Variants in RSPH14 observed in about 807,000 individuals in gnomAD.
The protein encoded by RSPH14 is radial spoke head 14 homolog.
Under a neutral mutation model 26.7 loss-of-function variants are expected in RSPH14, and 20 were observed. The ratio of observed to expected loss-of-function variants is 0.75; its 90% CI spans 0.53 to 1.09. The LOEUF (loss-of-function observed/expected upper bound fraction) is 1.09. RSPH14 is among the 50% of genes least tolerant of loss of function. The probability of loss-of-function intolerance (pLI) is 0.00; values close to 1 mark genes in which losing one functional copy is unlikely to be tolerated. For synonymous variants in RSPH14, 177 were observed against 189.3 expected, an observed-to-expected ratio of 0.93 and a Z score of 0.53; for missense variants, 449 against 457.2, an observed-to-expected ratio of 0.98 and a Z score of 0.16.
chr22:23,148,255 A>G (rs1399237549), upstream of RSPH14, among the ~76,000 whole-genome samples: 1 of 152,178 alleles, frequency 6.6e-6, no homozygotes, highest in Non-Finnish European at 1.5e-5. Flanking sequence ...TGGGTTTTCC[A>G]TCTCAACAGA....
At chr22:23,152,006 C>T in the RSPH14 span, among the ~76,000 whole-genome samples, 582 of 152,318 alleles carry the variant, frequency 3.8e-3, 5 homozygotes, top group African/African-American at 0.013. Context: ...GCGCACAGCC[C>T]CGGGGGTGCA....
At chr22:23,164,484 C>G in the RSPH14 span, 1 of 152,224 alleles carries the variant, frequency 6.6e-6, no homozygotes, top group Non-Finnish European at 1.5e-5. Context: ...CCCCCCACCC[C>G]AAGTTGATGC....
In RSPH14 at chr22:23,136,115, G is replaced by A. The variant is rs183557392; in HGVS notation, c.303-1971C>T. On this transcript the variant is annotated intron_variant, in intron 3 of 6. Transcript: ENST00000216036. Reference sequence around the variant, plus strand: ...CTGACCACGGGGGCTTCCTTGGTCCGTGTCTAGTCACCCACTCCATGTCTC... The same window carrying A: ...CTGACCACGGGGGCTTCCTTGGTCCATGTCTAGTCACCCACTCCATGTCTC... 250 of 600,940 alleles carry A rather than the reference G, an allele frequency of 4.2e-4. 1 individual carries two copies. In the African/African-American group the frequency reaches 4.2e-3, roughly 10 times the overall value. 37.2% of individuals were successfully genotyped at this position (600,940 alleles called of 1,614,324 possible).
At chr22:23,103,539 A>G (rs2069366242) in intron 4 of RSPH14, among the ~76,000 whole-genome samples, 2 of 152,064 alleles carry the variant, frequency 1.3e-5, no homozygotes, top group African/African-American at 4.8e-5. Context: ...ACCCCGCTGG[A>G]GAAAGGGAAT....
At chr22:23,167,714 T>C in the RSPH14 span, among the ~76,000 whole-genome samples, 1 of 149,346 alleles carries the variant, frequency 6.7e-6, no homozygotes, top group Admixed American at 6.6e-5. Context: ...TTAATTTATT[T>C]TTTTTTTTAA....
chr22:23,066,408 C>A (rs997006714), intron 4 of RSPH14, among the ~76,000 whole-genome samples: 1 of 152,166 alleles, frequency 6.6e-6, no homozygotes, highest in African/African-American at 2.4e-5. Flanking sequence ...AACTTGAATA[C>A]CTAAGGTCAC....
At chr22:23,140,104 G>A (rs1477417528) in intron 2 of RSPH14, 118 bp downstream of exon 2, 7 of 1,305,982 alleles carry the variant, frequency 5.4e-6, no homozygotes, top group East Asian at 2.5e-5. Context: ...CGCACCTATA[G>A]TGGAACTGGC....
intron 4 of RSPH14, among the ~76,000 whole-genome samples, chr22:23,093,468 G>C (rs6003503): frequency 0.05 from 7,605 of 152,274 alleles, 629 homozygotes; most frequent in African/African-American, 0.17. Context: ...CTGGCTGGGG[G>C]TAGGGGCGAC....
chr22:23,110,150 G>A (rs540362427), intron 4 of RSPH14, among the ~76,000 whole-genome samples: 108 of 152,320 alleles, frequency 7.1e-4, no homozygotes, highest in African/African-American at 2.4e-3. Context: ...GGGGTGGTTC[G>A]GGCTGTCTGG....
intron 4 of RSPH14, among the ~76,000 whole-genome samples, chr22:23,104,999 C>T (rs533350907): frequency 3.3e-5 from 5 of 152,354 alleles, no homozygotes; most frequent in Admixed American, 6.5e-5. Flanking sequence ...TTAGGCCAGC[C>T]CAGGAGCCTG....
At chr22:23,061,759 C>T (rs2068098721) in intron 6 of RSPH14, 50 bp downstream of exon 6, 1 of 1,608,398 alleles carries the variant, frequency 6.2e-7, no homozygotes, top group African/African-American at 1.3e-5. Flanking sequence ...CTCATCACGG[C>T]TGCTAGCCTG....
intron 4 of RSPH14, among the ~76,000 whole-genome samples, chr22:23,103,227 C>G (rs1323165780): frequency 6.6e-6 from 1 of 152,190 alleles, no homozygotes; most frequent in Non-Finnish European, 1.5e-5. Context: ...TCAAAGCAGC[C>G]AGGTAGGAGT....
intron 4 of RSPH14, among the ~76,000 whole-genome samples, chr22:23,130,922 C>A (rs559283428): frequency 5.9e-5 from 9 of 152,274 alleles, no homozygotes; most frequent in African/African-American, 2.2e-4. Context: ...CAATATCCAG[C>A]AAAGCTGAAG....
the RSPH14 span, chr22:23,150,226 T>G: frequency 8.3e-7 from 1 of 1,211,288 alleles, no homozygotes; most frequent in Non-Finnish European, 1.2e-6. Flanking sequence ...CGTGAAAGAA[T>G]GAACAAATGA....
chr22:23,145,967 C>A (rs1011791401), upstream of RSPH14: 4 of 985,094 alleles, frequency 4.1e-6, no homozygotes, highest in Admixed American at 2.5e-4. Flanking sequence ...AGACTGGGAG[C>A]AGGAGACCCC....
chr22:23,059,549 C>T lies in RSPH14; in HGVS notation c.960G>A (p.Glu320=). Residue 320 remains glutamate, a synonymous_variant, in exon 7 of 7, where the codon GAG becomes GAA. Coordinates refer to ENST00000216036, the MANE Select transcript of RSPH14 (RefSeq NM_014433.3). ...QTHVPTFRAM[E]VETYEKPQVA... is the part of the protein sequence containing the mutation. ...CTTGAGGCTTTTCGTAAGTCTCCAC[C>T]TCCATGGCACGGAAAGTGGGCACGT... The T allele has an allele frequency of 6.2e-7, 1 of 1,614,234 alleles. No homozygotes were observed. The highest frequency in any genetic ancestry group is 8.5e-7 in the Non-Finnish European group (1 of 1,180,022).
intron 4 of RSPH14, among the ~76,000 whole-genome samples, chr22:23,075,926 C>T (rs1390805403): frequency 6.6e-6 from 1 of 152,104 alleles, no homozygotes; most frequent in Non-Finnish European, 1.5e-5. Context: ...TGAGGTCTGC[C>T]CCTGTGAGTC....
chr22:23,177,548 CCCCATG>C, the RSPH14 span, among the ~76,000 whole-genome samples: 2 of 152,070 alleles, frequency 1.3e-5, no homozygotes, highest in East Asian at 1.9e-4. Flanking sequence ...TGTGTCTAAA[CCCCATG>C]CCCATGCCCA....
intron 4 of RSPH14, among the ~76,000 whole-genome samples, chr22:23,121,720 CTTTTTT>C (rs10598505): frequency 1.6e-5 from 2 of 123,182 alleles, no homozygotes; most frequent in Admixed American, 8.2e-5. Flanking sequence ...AGAAAAGTTC[CTTTTTT>C]TTTTTTTTTT....
Sources: allele counts gnomAD v4.1 joint callset (sites outside exome capture counted in the v4.1 genomes callset), GRCh38; gene constraint gnomAD v4.1.1; transcripts MANE v1.5; gene names NCBI Gene and HGNC (gene_info 2026-07-23, HGNC 2026-07-21).